Variants in DLGAP1 observed in about 807,000 individuals in gnomAD.
DLGAP1 encodes the protein DLG associated protein 1, also known as disks large-associated protein 1.
Under a neutral mutation model 90.8 loss-of-function variants are expected in DLGAP1, and 11 were observed. That is an observed-to-expected ratio of 0.12 (90% CI 0.08 to 0.20). DLGAP1 has a LOEUF of 0.20. Ranked by LOEUF, DLGAP1 falls within the 10% of genes least tolerant of loss-of-function variation. The pLI is 1.00. For missense variants in DLGAP1, 1,050 were observed against 1,333.8 expected, an observed-to-expected ratio of 0.79 and a Z score of 3.31; for synonymous variants, 558 against 540.7, an observed-to-expected ratio of 1.03 and a Z score of -0.44.
At chr18:3,926,401 C>CAT (rs35464708) in intron 3 of DLGAP1, among the ~76,000 whole-genome samples, 85 of 145,768 alleles carry the variant, frequency 5.8e-4, no homozygotes, top group African/African-American at 1.1e-3. Context: ...AAGCAAATGA[C>CAT]ATATATATAT....
chr18:4,018,130 G>A (rs1254285663), intron 2 of DLGAP1, among the ~76,000 whole-genome samples: 1 of 152,210 alleles, frequency 6.6e-6, no homozygotes, highest in Admixed American at 6.5e-5. Flanking sequence ...AAGTGATGCT[G>A]TGGTTTACTC....
intron 4 of DLGAP1, among the ~76,000 whole-genome samples, chr18:3,817,811 T>C (rs943815302): frequency 1.3e-5 from 2 of 152,346 alleles, no homozygotes; most frequent in Non-Finnish European, 2.9e-5. Flanking sequence ...GGTTGCTGTG[T>C]CTTTCCATTT....
chr18:3,690,885 G>C (rs530003733), intron 7 of DLGAP1, among the ~76,000 whole-genome samples: 2 of 152,274 alleles, frequency 1.3e-5, no homozygotes, highest in African/African-American at 4.8e-5. Flanking sequence ...GCGGTAGCAG[G>C]CTTCTAATCA....
At chr18:4,357,288 G>C (rs1011270357) in intron 1 of DLGAP1, among the ~76,000 whole-genome samples, 7 of 150,956 alleles carry the variant, frequency 4.6e-5, no homozygotes, top group Admixed American at 1.3e-4. Context: ...CAAGCAGCTG[G>C]GATGATAGGT....
chr18:3,969,323 C>T (rs997497968), intron 3 of DLGAP1, among the ~76,000 whole-genome samples: 2 of 152,132 alleles, frequency 1.3e-5, no homozygotes, highest in Non-Finnish European at 2.9e-5. Flanking sequence ...TTAGTCATTC[C>T]TTCTTGAAGA....
At chr18:4,214,193 T>A (rs1283164933) in intron 1 of DLGAP1, among the ~76,000 whole-genome samples, 1 of 151,334 alleles carries the variant, frequency 6.6e-6, no homozygotes, top group Admixed American at 6.6e-5. Flanking sequence ...GAAGGGAGTA[T>A]CAAAGACAAA....
chr18:3,724,867 T>G (rs1222465088), intron 7 of DLGAP1, among the ~76,000 whole-genome samples: 1 of 150,458 alleles, frequency 6.6e-6, no homozygotes, highest in African/African-American at 2.5e-5. Flanking sequence ...ATCATACCAC[T>G]GCACTCCAGC....
chr18:3,643,595 A>G (rs1301733778), intron 7 of DLGAP1, among the ~76,000 whole-genome samples: 5 of 145,974 alleles, frequency 3.4e-5, no homozygotes, highest in African/African-American at 1.0e-4. Flanking sequence ...CCCGGGAGGC[A>G]GAGGTTGCAG....
intron 4 of DLGAP1, among the ~76,000 whole-genome samples, chr18:3,870,605 CATCTATCTATCTATCTATCT>C (rs67573915): frequency 0.12 from 17,170 of 148,196 alleles, 1,262 homozygotes; most frequent in Non-Finnish European, 0.16. Context: ...TACATAAATA[CATCTATCTATCTATCTATCT>C]ATCTATCTAT....
At chr18:4,094,747 G>A (rs562728404) in intron 2 of DLGAP1, among the ~76,000 whole-genome samples, 9 of 151,632 alleles carry the variant, frequency 5.9e-5, no homozygotes, top group Admixed American at 5.9e-4. Flanking sequence ...ACAGGCATGC[G>A]CCACCATGCC....
intron 4 of DLGAP1, among the ~76,000 whole-genome samples, chr18:3,817,612 C>A (rs1011219358): frequency 4.6e-5 from 7 of 152,080 alleles, no homozygotes; most frequent in African/African-American, 1.7e-4. Flanking sequence ...TCGATATAAT[C>A]GAGTCAGTTT....
At chr18:4,063,667 A>G (rs951942743) in intron 2 of DLGAP1, among the ~76,000 whole-genome samples, 2 of 152,064 alleles carry the variant, frequency 1.3e-5, no homozygotes, top group African/African-American at 4.8e-5. Context: ...AACATTTACT[A>G]TCTATTCTCA....
intron 2 of DLGAP1, among the ~76,000 whole-genome samples, chr18:4,079,691 A>AATATATATATATATATATATAT (rs10597845): frequency 2.0e-5 from 3 of 146,600 alleles, no homozygotes; most frequent in African/African-American, 7.5e-5. Context: ...ATTGAAATTA[A>AATATATATATATATATATATAT]ATATATATAT....
intron 8 of DLGAP1, among the ~76,000 whole-genome samples, chr18:3,576,262 CT>C (rs1310824538): frequency 2.1e-3 from 301 of 142,702 alleles, no homozygotes; most frequent in Middle Eastern, 7.4e-3. Flanking sequence ...CCTCCAACTC[CT>C]TTTTTTTTTT....
At chr18:3,782,402 G>A (rs1472126162) in intron 5 of DLGAP1, among the ~76,000 whole-genome samples, 2 of 152,338 alleles carry the variant, frequency 1.3e-5, no homozygotes, top group South Asian at 2.1e-4. Flanking sequence ...CTCCCAAAGT[G>A]TTGGGATTAC....
At chr18:3,506,719 C>T (rs1207665367) in intron 11 of DLGAP1, among the ~76,000 whole-genome samples, 1 of 152,034 alleles carries the variant, frequency 6.6e-6, no homozygotes. Context: ...CATGGACTTC[C>T]TTATGTACCT....
At chr18:3,758,836 C>T (rs111264621) in intron 5 of DLGAP1, among the ~76,000 whole-genome samples, 97 of 152,256 alleles carry the variant, frequency 6.4e-4, no homozygotes, top group African/African-American at 2.2e-3. Context: ...TTTGCATTGC[C>T]GGCCAGAGTC....
intron 1 of DLGAP1, among the ~76,000 whole-genome samples, chr18:4,243,372 T>C (rs2078586663): frequency 8.5e-6 from 1 of 117,516 alleles, no homozygotes; most frequent in East Asian, 3.1e-4. Context: ...TGACCACGGA[T>C]GGGCACAGTC....
intron 10 of DLGAP1, among the ~76,000 whole-genome samples, chr18:3,520,813 C>G (rs1254894993): frequency 6.6e-6 from 1 of 152,182 alleles, no homozygotes; most frequent in Non-Finnish European, 1.5e-5. Flanking sequence ...GGCAGCATGC[C>G]TTCGCTCTCG....
Sources: allele counts gnomAD v4.1 joint callset (sites outside exome capture counted in the v4.1 genomes callset), GRCh38; gene constraint gnomAD v4.1.1; transcripts MANE v1.5; gene names NCBI Gene and HGNC (gene_info 2026-07-23, HGNC 2026-07-21).